PKN2: variants seen among roughly 807,000 people sequenced by gnomAD.
PKN2 encodes the protein serine/threonine-protein kinase N2.
In PKN2, 38 loss-of-function variants were observed where a neutral mutation model predicts 119.1. The ratio of observed to expected loss-of-function variants is 0.32; its 90% CI spans 0.25 to 0.42. The LOEUF (loss-of-function observed/expected upper bound fraction) is 0.42. PKN2 is among the 10% of genes least tolerant of loss of function. The pLI is 1.00. For synonymous variants in PKN2, 390 were observed against 384.9 expected (o/e 1.01, Z -0.15); for missense variants, 850 against 1,165.1 (o/e 0.73, Z 3.94).
intron 1 of PKN2, among the ~76,000 whole-genome samples, chr1:88,713,999 T>C (rs1158785154): frequency 6.6e-6 from 1 of 152,232 alleles, no homozygotes; most frequent in Non-Finnish European, 1.5e-5. Flanking sequence ...TTTCTACATA[T>C]GGCTAGCCAG....
At chr1:88,700,414 G>A (rs976056996) in intron 1 of PKN2, among the ~76,000 whole-genome samples, 1 of 151,112 alleles carries the variant, frequency 6.6e-6, no homozygotes, top group South Asian at 2.1e-4. Context: ...CCTTTTTTTT[G>A]TGTAACACCA....
At chr1:88,727,593 G>A (rs1418033116) in intron 1 of PKN2, among the ~76,000 whole-genome samples, 2 of 152,148 alleles carry the variant, frequency 1.3e-5, no homozygotes, top group Non-Finnish European at 2.9e-5. Context: ...ATTGTTTTCT[G>A]TTCATTCCCA....
chr1:88,723,418 C>A (rs1032147190), intron 1 of PKN2, among the ~76,000 whole-genome samples: 8 of 148,460 alleles, frequency 5.4e-5, no homozygotes, highest in African/African-American at 2.0e-4. Context: ...CTGCCCCCCC[C>A]CCTTTTATTT....
intron 1 of PKN2, among the ~76,000 whole-genome samples, chr1:88,740,573 A>G (rs1668537407): frequency 6.6e-6 from 1 of 152,110 alleles, no homozygotes; most frequent in Non-Finnish European, 1.5e-5. Context: ...GTATCTCTAA[A>G]AGGTGGCTAC....
At chr1:88,757,363 T>G (rs1347589576) in intron 2 of PKN2, among the ~76,000 whole-genome samples, 1 of 152,234 alleles carries the variant, frequency 6.6e-6, no homozygotes, top group Non-Finnish European at 1.5e-5. Context: ...AGTGTCTGAC[T>G]TGGTTGCCCA....
At chr1:88,701,306 T>C (rs1483880247) in intron 1 of PKN2, among the ~76,000 whole-genome samples, 2 of 152,184 alleles carry the variant, frequency 1.3e-5, no homozygotes, top group African/African-American at 2.4e-5. Flanking sequence ...TAGCCTGGCA[T>C]GGAGGCAGGT....
intron 8 of PKN2, among the ~76,000 whole-genome samples, chr1:88,801,473 T>A: frequency 6.6e-6 from 1 of 152,208 alleles, no homozygotes; most frequent in East Asian, 1.9e-4. Flanking sequence ...TGGTACCTTG[T>A]TTTTCAGATA....
chr1:88,734,592 A>G (rs79918601), intron 1 of PKN2, among the ~76,000 whole-genome samples: 2,950 of 152,220 alleles, frequency 0.019, 92 homozygotes, highest in African/African-American at 0.066. Context: ...TTTGATTACT[A>G]TAGCTATGTA....
intron 2 of PKN2, among the ~76,000 whole-genome samples, 191 bp from the exon 3 acceptor site, chr1:88,760,031 G>A (rs1453055974): frequency 6.7e-6 from 1 of 148,346 alleles, no homozygotes; most frequent in Non-Finnish European, 1.5e-5. Flanking sequence ...AAGTAGTCTT[G>A]CAACTCAGAT....
chr1:88,823,541 C>T (rs1056923735), intron 17 of PKN2, among the ~76,000 whole-genome samples: 2 of 149,158 alleles, frequency 1.3e-5, no homozygotes, highest in African/African-American at 4.9e-5. Context: ...ATCTCTACTG[C>T]AAATAAAAAA....
intron 1 of PKN2, among the ~76,000 whole-genome samples, chr1:88,711,327 A>C (rs1431297286): frequency 6.6e-6 from 1 of 152,174 alleles, no homozygotes; most frequent in Non-Finnish European, 1.5e-5. Flanking sequence ...AAAGAACTTA[A>C]GGTTTTCTTA....
intron 8 of PKN2, among the ~76,000 whole-genome samples, chr1:88,794,307 C>T (rs1051997167): frequency 4.0e-5 from 6 of 149,158 alleles, no homozygotes; most frequent in Non-Finnish European, 7.4e-5. Flanking sequence ...GCGGAGGTTG[C>T]GGTGAGCCGA....
intron 2 of PKN2, among the ~76,000 whole-genome samples, chr1:88,746,736 T>C (rs1247113402): frequency 6.6e-6 from 1 of 152,132 alleles, no homozygotes; most frequent in Non-Finnish European, 1.5e-5. Flanking sequence ...TATTTTACAA[T>C]CCAGCAATTC....
At chr1:88,769,591 G>GTA (rs925612421) in intron 3 of PKN2, among the ~76,000 whole-genome samples, 59 of 152,106 alleles carry the variant, frequency 3.9e-4, no homozygotes, top group South Asian at 1.0e-3. Context: ...ATTGTGCGAT[G>GTA]TATATATATA....
At chr1:88,694,583 G>A (rs925740582) in intron 1 of PKN2, among the ~76,000 whole-genome samples, 11 of 152,156 alleles carry the variant, frequency 7.2e-5, no homozygotes, top group Non-Finnish European at 5.9e-5. Context: ...GACATCCTAT[G>A]CAAGTTTTTG....
Position 88,739,706 on chromosome 1 carries a change from T to C in PKN2, c.49-1282T>C, listed in dbSNP as rs2100742236. Among the ~76,000 whole-genome samples the C allele has an allele frequency of 2.0e-5, 3 of 152,360 alleles. No homozygotes were observed. In the South Asian group the frequency reaches 6.2e-4, roughly 32 times the overall value. On this transcript the variant is annotated intron_variant, in intron 1 of 21. Coordinates refer to ENST00000370521, the MANE Select transcript of PKN2 (RefSeq NM_006256.4). ...AAACATTTTAAATCCAATGGTATTA[T>C]AGTAATGGACTTTGAAACAGTAAAT...
At chr1:88,767,561 C>A (rs1230805860) in intron 3 of PKN2, among the ~76,000 whole-genome samples, 1 of 152,080 alleles carries the variant, frequency 6.6e-6, no homozygotes, top group Non-Finnish European at 1.5e-5. Flanking sequence ...GCTGTAGTAA[C>A]AGCATGTAAC....
rs948074034 is a variant in PKN2 at position 88,746,522 on chromosome 1, A to G, written c.349+5234A>G. The stretch of plus-strand genomic sequence containing the variant: ...TATGAAAAAAATGATCAGTATCTCT[A>G]GCCATCAGAGAAATGCAAATTAAAA... On this transcript the variant is annotated intron_variant, in intron 2 of 21. Transcript: ENST00000370521. Among the ~76,000 whole-genome samples the G allele has an allele frequency of 3.6e-4, 55 of 152,228 alleles. 2 individuals carry two copies. The highest frequency in any genetic ancestry group is 3.5e-3 in the Admixed American group (54 of 15,292).
intron 16 of PKN2, among the ~76,000 whole-genome samples, chr1:88,820,378 A>G (rs1672227047): frequency 6.6e-6 from 1 of 150,586 alleles, no homozygotes. Context: ...CACTAAAAAT[A>G]CAAAATTAGC....
Sources: allele counts gnomAD v4.1 joint callset (sites outside exome capture counted in the v4.1 genomes callset), GRCh38; gene constraint gnomAD v4.1.1; transcripts MANE v1.5; gene names NCBI Gene and HGNC (gene_info 2026-07-23, HGNC 2026-07-21).